The following CSNK2A1 variants were observed in gnomAD, a reference collection of about 807,000 sequenced individuals.
CSNK2A1 encodes the protein casein kinase II subunit alpha.
A neutral mutation model predicts 62.9 loss-of-function variants in CSNK2A1; 10 were observed. The observed-to-expected ratio is 0.16, with a 90% CI of 0.10 to 0.27. The LOEUF (loss-of-function observed/expected upper bound fraction) is 0.27. Ranked by LOEUF, CSNK2A1 falls within the 10% of genes least tolerant of loss-of-function variation. The probability of loss-of-function intolerance (pLI) is 1.00; values close to 1 mark genes in which losing one functional copy is unlikely to be tolerated. For missense variants in CSNK2A1, 160 were observed against 492.0 expected (o/e 0.33, Z 6.38); for synonymous variants, 124 against 167.8 (o/e 0.74, Z 2.02).
chr20:510,656 A>G (rs1405172818), intron 2 of CSNK2A1, among the ~76,000 whole-genome samples: 1 of 152,194 alleles, frequency 6.6e-6, no homozygotes, highest in Non-Finnish European at 1.5e-5. Context: ...AAAATATTAC[A>G]ATAGGTAAAC....
At chr20:506,035 C>CCG (rs2018581476) in intron 3 of CSNK2A1, 3 of 151,778 alleles carry the variant, frequency 2.0e-5, no homozygotes, top group Admixed American at 6.6e-5. Context: ...ACCACCACGC[C>CCG]CGGCTAATTT....
At chr20:531,397 A>G (rs1333180892) in intron 1 of CSNK2A1, among the ~76,000 whole-genome samples, 1 of 152,166 alleles carries the variant, frequency 6.6e-6, no homozygotes, top group Non-Finnish European at 1.5e-5. Flanking sequence ...CGACTCCTGA[A>G]GGCATTTGAG....
chr20:504,911 T>G (rs995573373), intron 4 of CSNK2A1: 5 of 521,134 alleles, frequency 9.6e-6, no homozygotes, highest in African/African-American at 7.9e-5. Flanking sequence ...CCTAGCTATA[T>G]GAGTCAACTC....
chr20:481,193 C>T lies in CSNK2A1; in HGVS notation c.*2768G>A, dbSNP rs1013142945. Reference sequence around the variant, plus strand: ...CCAGCACAGTTATGGTTTAGTCATACCAATTACAATACAATTACAACCAAT... The same window carrying T: ...CCAGCACAGTTATGGTTTAGTCATATCAATTACAATACAATTACAACCAAT... On this transcript the variant is annotated 3_prime_UTR_variant, in exon 14 of 14. Coordinates refer to ENST00000217244, the MANE Select transcript of CSNK2A1 (RefSeq NM_177559.3). 1 of 152,192 alleles carries T rather than the reference C, an allele frequency of 6.6e-6. No homozygotes were observed. The highest frequency in any genetic ancestry group is 1.9e-4 in the East Asian group (1 of 5,192). 9.4% of individuals were successfully genotyped at this position (152,192 alleles called of 1,614,324 possible).
chr20:501,300 T>G (rs1396552432), intron 4 of CSNK2A1: 1 of 152,272 alleles, frequency 6.6e-6, no homozygotes, highest in African/African-American at 2.4e-5. Context: ...CCTGACCTCA[T>G]GATCCGCCTG....
chr20:521,461 G>A (rs777852752), intron 2 of CSNK2A1, among the ~76,000 whole-genome samples: 1 of 152,166 alleles, frequency 6.6e-6, no homozygotes, highest in Non-Finnish European at 1.5e-5. Flanking sequence ...TACATTCCTG[G>A]TAGGAATGCA....
At chr20:528,724 C>T (rs1016038574) in intron 1 of CSNK2A1, among the ~76,000 whole-genome samples, 1 of 151,876 alleles carries the variant, frequency 6.6e-6, no homozygotes, top group African/African-American at 2.4e-5. Context: ...GGCCTCCCAA[C>T]GTGCTGGGAT....
chr20:508,352 A>G (rs2018648154), intron 3 of CSNK2A1, 99 bp downstream of exon 3: 2 of 1,339,092 alleles, frequency 1.5e-6, no homozygotes, highest in Non-Finnish European at 2.1e-6. Flanking sequence ...TGAGGTATAC[A>G]CATACAGAGT....
chr20:540,526 A>G (rs1362393373), intron 1 of CSNK2A1, among the ~76,000 whole-genome samples: 6 of 152,156 alleles, frequency 3.9e-5, no homozygotes, highest in Non-Finnish European at 7.3e-5. Flanking sequence ...TATTGCTACT[A>G]AAAGTATGTC....
In CSNK2A1 at chr20:523,870, A is replaced by C. The variant is rs976698140; in HGVS notation, c.-110+4063T>G. Among the ~76,000 whole-genome samples, 9 of 150,830 alleles carry C rather than the reference A, an allele frequency of 6.0e-5. No individual in the cohort carries two copies. The South Asian group carries it at 6.3e-4, about 11-fold the overall frequency. On this transcript the variant is annotated intron_variant, in intron 2 of 13. Transcript: ENST00000217244. ...CAAGACTCCATCTCAAAAAAAAAAA[A>C]AAAAAAAAAAACTGTAGTAACTCAG... is the stretch of plus-strand genomic sequence containing the variant.
chr20:531,421 G>T (rs1018963883), intron 1 of CSNK2A1, among the ~76,000 whole-genome samples: 4 of 152,068 alleles, frequency 2.6e-5, no homozygotes, highest in Non-Finnish European at 4.4e-5. Context: ...TCAATCCCTG[G>T]TTTATACTAA....
At chr20:494,993 T>C (rs2018316513) in intron 8 of CSNK2A1, 1 of 152,270 alleles carries the variant, frequency 6.6e-6, no homozygotes, top group Admixed American at 6.5e-5. Context: ...TATTCGTTTT[T>C]TCTTCTACAT....
At chr20:537,458 A>G (rs1322890674) in intron 1 of CSNK2A1, among the ~76,000 whole-genome samples, 1 of 152,098 alleles carries the variant, frequency 6.6e-6, no homozygotes, top group East Asian at 1.9e-4. Flanking sequence ...CTTTCACCTT[A>G]AACTTTTTAA....
chr20:489,454 C>G, intron 10 of CSNK2A1: 1 of 367,560 alleles, frequency 2.7e-6, no homozygotes, highest in Middle Eastern at 6.8e-4. Context: ...CCAAAAGGAT[C>G]ACAGAAATAC....
rs150014327 is a variant in CSNK2A1, at chr20:521,760, T to C, written c.-110+6173A>G. On this transcript the variant is annotated intron_variant, in intron 2 of 13. Coordinates refer to ENST00000217244, the MANE Select transcript of CSNK2A1 (RefSeq NM_177559.3). ...TGCAACAAAATGGATGAATCGTTTT[T>C]CTTTTTTTGGTAGAGACAGGGTCTC... is the stretch of plus-strand genomic sequence containing the variant. 9.7e-4 allele frequency among the ~76,000 whole-genome samples: 148 copies of C among 152,330 alleles called. 1 individual carries two copies. Among genetic ancestry groups the C allele is most frequent in the Middle Eastern group, 6.8e-3 (2 of 294 alleles).
Position 478,731 on chromosome 20 carries a change from C to T in CSNK2A1, c.*5230G>A. On this transcript the variant is annotated 3_prime_UTR_variant, in exon 14 of 14. Coordinates refer to ENST00000217244, the MANE Select transcript of CSNK2A1 (RefSeq NM_177559.3). Reference sequence around the variant, plus strand: ...ACTGTTGAGCTCAGGAGTTCAAGACCAGCCTGGGCAACACGGCAAAACTTC... The same window carrying T: ...ACTGTTGAGCTCAGGAGTTCAAGACTAGCCTGGGCAACACGGCAAAACTTC... 1 of 303,380 alleles carries T rather than the reference C, an allele frequency of 3.3e-6. No homozygotes were observed. The highest frequency in any genetic ancestry group is 6.5e-6 in the Non-Finnish European group (1 of 154,654). The allele number at this position is 303,380 out of a possible 1,614,324, so 18.8% of individuals were successfully genotyped here.
At chr20:534,241 C>A (rs939108870) in intron 1 of CSNK2A1, among the ~76,000 whole-genome samples, 36 of 152,164 alleles carry the variant, frequency 2.4e-4, no homozygotes, top group Admixed American at 1.9e-3. Context: ...TAAATAGGTT[C>A]TTTTCACTAA....
Position 532,652 on chromosome 20 carries a change from A to G in CSNK2A1, c.-226-4603T>C, listed in dbSNP as rs1021883170. Among the ~76,000 whole-genome samples, 4 of 152,190 alleles carry G rather than the reference A, an allele frequency of 2.6e-5. No individual in the cohort carries two copies. The South Asian group carries it at 8.3e-4, about 32-fold the overall frequency. Reference sequence around the variant, plus strand: ...ACACATCTGTAACGCACCCTAACACAATACACTGGTTGAGAAATTCTAGTT... The same window carrying G: ...ACACATCTGTAACGCACCCTAACACGATACACTGGTTGAGAAATTCTAGTT... On this transcript the variant is annotated intron_variant, in intron 1 of 13. Transcript: ENST00000217244.
At chr20:520,571 C>G (rs563511339) in intron 2 of CSNK2A1, among the ~76,000 whole-genome samples, 108 of 152,266 alleles carry the variant, frequency 7.1e-4, no homozygotes, top group Admixed American at 2.5e-3. Flanking sequence ...ATGATCTCAA[C>G]TCACTGCAAC....
Sources: allele counts gnomAD v4.1 joint callset (sites outside exome capture counted in the v4.1 genomes callset), GRCh38; gene constraint gnomAD v4.1.1; transcripts MANE v1.5; gene names NCBI Gene and HGNC (gene_info 2026-07-23, HGNC 2026-07-21).